Variants in GIPC2 observed in about 807,000 individuals in gnomAD.
GIPC2 encodes the protein GIPC PDZ domain containing family member 2.
In GIPC2, 30 loss-of-function variants were observed where a neutral mutation model predicts 30.6. That is an observed-to-expected ratio of 0.98 (90% confidence interval 0.73 to 1.33). The LOEUF (loss-of-function observed/expected upper bound fraction) is 1.33. Among genes scored for constraint, GIPC2 ranks in the 40% most tolerant of loss-of-function variants. The pLI is 0.00. For synonymous variants in GIPC2, 167 were observed against 150.0 expected (o/e 1.11, Z -0.83); for missense variants, 414 against 390.3 (o/e 1.06, Z -0.51).
chr1:78,077,611 T>C (rs1661738977), intron 1 of GIPC2, among the ~76,000 whole-genome samples: 1 of 152,206 alleles, frequency 6.6e-6, no homozygotes, highest in Non-Finnish European at 1.5e-5. Context: ...ACTTTCCAAA[T>C]CTTTTTTGAT....
chr1:78,069,041 G>T (rs78808583), intron 1 of GIPC2: 5 of 984,250 alleles, frequency 5.1e-6, no homozygotes, highest in Non-Finnish European at 6.0e-6. Context: ...CAGGAATGGC[G>T]GTAATGTTGG....
chr1:78,118,893 A>G (rs1345787617), intron 3 of GIPC2, among the ~76,000 whole-genome samples: 2 of 152,100 alleles, frequency 1.3e-5, no homozygotes, highest in African/African-American at 4.8e-5. Flanking sequence ...ATTAAATGGG[A>G]TTTTTTAATG....
intron 1 of GIPC2, among the ~76,000 whole-genome samples, chr1:78,047,722 T>A (rs958361911): frequency 1.3e-5 from 2 of 152,192 alleles, no homozygotes; most frequent in Non-Finnish European, 2.9e-5. Context: ...TTGAAGAGTA[T>A]TGTGAAGAGT....
At chr1:78,108,172 T>C (rs1264656117) in intron 3 of GIPC2, among the ~76,000 whole-genome samples, 1 of 152,172 alleles carries the variant, frequency 6.6e-6, no homozygotes, top group Non-Finnish European at 1.5e-5. Context: ...TAAAACGAAA[T>C]ATTTTAGCTA....
intron 5 of GIPC2, among the ~76,000 whole-genome samples, chr1:78,134,872 A>G (rs1488970699): frequency 1.3e-5 from 2 of 152,056 alleles, no homozygotes; most frequent in African/African-American, 4.8e-5. Flanking sequence ...TAGGGTGCTG[A>G]GTGGAAATCC....
chr1:78,123,085 C>T (rs1333367434), intron 4 of GIPC2, among the ~76,000 whole-genome samples: 1 of 151,944 alleles, frequency 6.6e-6, no homozygotes, highest in Non-Finnish European at 1.5e-5. Flanking sequence ...TGTGATGAAA[C>T]CCCATCTCTA....
chr1:78,085,897 G>T (rs1321352643), intron 2 of GIPC2, among the ~76,000 whole-genome samples: 86 of 120,256 alleles, frequency 7.2e-4, no homozygotes, highest in Middle Eastern at 5.2e-3. Flanking sequence ...TCTTTTGAAT[G>T]TTTTTTTTTT....
intron 2 of GIPC2, among the ~76,000 whole-genome samples, chr1:78,087,430 A>G (rs1661951322): frequency 1.3e-5 from 2 of 152,316 alleles, no homozygotes; most frequent in South Asian, 2.1e-4. Context: ...TAGAGAGCCC[A>G]GAAATAAGGC....
At chr1:78,075,455 CAAAAT>C (rs1305960966) in intron 1 of GIPC2, among the ~76,000 whole-genome samples, 1 of 152,106 alleles carries the variant, frequency 6.6e-6, no homozygotes, top group Non-Finnish European at 1.5e-5. Flanking sequence ...GACCCTGTCT[CAAAAT>C]AAATAAGAGG....
intron 1 of GIPC2, among the ~76,000 whole-genome samples, chr1:78,071,559 T>C (rs1661619299): frequency 6.6e-6 from 1 of 151,496 alleles, no homozygotes; most frequent in African/African-American, 2.4e-5. Flanking sequence ...TTCTTCTTCT[T>C]TTTTCTTCTT....
chr1:78,048,358 T>G (rs989529963), intron 1 of GIPC2, among the ~76,000 whole-genome samples: 3 of 152,184 alleles, frequency 2.0e-5, no homozygotes, highest in Non-Finnish European at 4.4e-5. Flanking sequence ...TTTTCCAGAA[T>G]TACACATAGC....
chr1:78,135,142 G>A (rs1399266150), intron 5 of GIPC2, among the ~76,000 whole-genome samples: 2 of 152,186 alleles, frequency 1.3e-5, no homozygotes, highest in Admixed American at 6.5e-5. Context: ...TTGTCTTTGG[G>A]CAGGGAGGAC....
chr1:78,086,522 G>A lies in GIPC2; in HGVS notation c.426+5662G>A, dbSNP rs547692398. Reference sequence around the variant, plus strand: ...TGATCTGTCTACTACTGTCAGTAGAGTGTTGAAGTCTCCCACTATTGTTCT... The same window carrying A: ...TGATCTGTCTACTACTGTCAGTAGAATGTTGAAGTCTCCCACTATTGTTCT... On this transcript the variant is annotated intron_variant, in intron 2 of 5. Transcript: ENST00000370759. 2.0e-5 allele frequency among the ~76,000 whole-genome samples: 3 copies of A among 152,262 alleles called. No homozygotes were observed. In the East Asian group the frequency reaches 5.8e-4, roughly 29 times the overall value.
intron 5 of GIPC2, among the ~76,000 whole-genome samples, chr1:78,127,566 T>C (rs1662804840): frequency 6.6e-6 from 1 of 152,262 alleles, no homozygotes; most frequent in Non-Finnish European, 1.5e-5. Flanking sequence ...AACTTCAGCA[T>C]GAGTAACTCC....
At chr1:78,069,941 T>C (rs1398168769) in intron 1 of GIPC2, among the ~76,000 whole-genome samples, 1 of 152,192 alleles carries the variant, frequency 6.6e-6, no homozygotes, top group East Asian at 1.9e-4. Context: ...ATAGACTGTC[T>C]TCCCCCATCA....
intron 1 of GIPC2, among the ~76,000 whole-genome samples, chr1:78,051,145 A>G (rs918735013): frequency 6.6e-6 from 1 of 152,144 alleles, no homozygotes. Flanking sequence ...TATAATAAAA[A>G]AAAGAACCCC....
rs1468176790 is a variant in GIPC2 at position 78,046,253 on chromosome 1, C to T, written c.159C>T (p.Ala53=). 1 of 1,610,706 alleles carries T rather than the reference C, an allele frequency of 6.2e-7. No homozygotes were observed. The highest frequency in any genetic ancestry group is 8.5e-7 in the Non-Finnish European group (1 of 1,179,068). Residue 53 remains alanine (A), a synonymous_variant, in exon 1 of 6, where the codon GCC becomes GCT. Coordinates refer to ENST00000370759, the MANE Select transcript of GIPC2 (RefSeq NM_017655.6). Reference sequence around the variant, plus strand: ...ACGCGCAGCTGGCGCACGGTAGTGCCACGGGCCGAGTGGAGGGCTTCTCCA... The same window carrying T: ...ACGCGCAGCTGGCGCACGGTAGTGCTACGGGCCGAGTGGAGGGCTTCTCCA... ...VFHAQLAHGS[A]TGRVEGFSSI...
chr1:78,094,842 A>T, intron 2 of GIPC2, 110 bp from the exon 3 acceptor site: 1 of 666,202 alleles, frequency 1.5e-6, no homozygotes, highest in Non-Finnish European at 2.6e-6. Context: ...GCAGTCTCCC[A>T]TCCAAGTACT....
intron 3 of GIPC2, among the ~76,000 whole-genome samples, chr1:78,098,234 C>T (rs182639565): frequency 1.3e-5 from 2 of 152,132 alleles, no homozygotes; most frequent in African/African-American, 4.8e-5. Context: ...AGTTGGGTGC[C>T]ACATACATAG....
Sources: gnomAD v4.1 joint callset for allele counts (sites outside exome capture counted in the v4.1 genomes callset) on GRCh38, gnomAD v4.1.1 for gene constraint, MANE v1.5 for transcripts, NCBI Gene and HGNC (gene_info 2026-07-23, HGNC 2026-07-21) for gene names.